Variants in WDR77 observed in about 807,000 individuals in gnomAD.
WDR77 encodes WD repeat domain 77, also known as methylosome protein WDR77.
A neutral mutation model predicts 44.0 loss-of-function variants in WDR77; 31 were observed. The observed-to-expected ratio is 0.70, with a 90% CI of 0.53 to 0.95. The LOEUF is 0.95. Among genes scored for constraint, WDR77 ranks in the 40% least tolerant of loss-of-function variants. The probability of loss-of-function intolerance (pLI) is 0.00; values close to 1 mark genes in which losing one functional copy is unlikely to be tolerated. For synonymous variants in WDR77, 186 were observed against 165.7 expected, an observed-to-expected ratio of 1.12 and a Z score of -0.94; for missense variants, 390 against 423.9, an observed-to-expected ratio of 0.92 and a Z score of 0.70.
At position 111,444,078 on chromosome 1, in the gene WDR77, G is replaced by GT; in HGVS notation, c.539dup (p.Asp180GlufsTer12). On this transcript the variant is annotated frameshift_variant, in exon 5 of 10. Transcript: ENST00000235090. LOFTEE classifies it high-confidence loss of function. ...CCTCGCTGCATGAAAGAAACACAGAGTCCTTGTGAGGAGAGGCAGCAACAC... is the reference window on the plus strand; with the variant it reads ...CCTCGCTGCATGAAAGAAACACAGAGTTCCTTGTGAGGAGAGGCAGCAACAC... The GT allele has an allele frequency of 6.2e-7, 1 of 1,614,106 alleles. No individual in the cohort carries two copies. The highest frequency in any genetic ancestry group is 8.5e-7 in the Non-Finnish European group (1 of 1,180,038).
chr1:111,443,220 G>T, intron 7 of WDR77, 103 bp downstream of exon 7: 2 of 1,166,110 alleles, frequency 1.7e-6, no homozygotes, highest in South Asian at 1.5e-5. Context: ...GTCCATGAGG[G>T]CTAAGACTGA....
chr1:111,448,873 C>T, intron 1 of WDR77, 69 bp from the exon 2 acceptor site: 1 of 1,547,958 alleles, frequency 6.5e-7, no homozygotes, highest in Non-Finnish European at 8.7e-7. Context: ...CCGCACAGAA[C>T]AGCGTTCCGG....
chr1:111,447,962 T>C (rs1483461629), intron 2 of WDR77, among the ~76,000 whole-genome samples: 1 of 152,240 alleles, frequency 6.6e-6, no homozygotes, highest in African/African-American at 2.4e-5. Flanking sequence ...ATTTGGACAC[T>C]AGTAAGTATT....
At chr1:111,447,304 C>T (rs1653083408) in intron 3 of WDR77, 131 bp downstream of exon 3, 2 of 1,495,448 alleles carry the variant, frequency 1.3e-6, no homozygotes, top group Admixed American at 1.9e-5. Flanking sequence ...CCTAAGGAAA[C>T]CTTATAGACA....
chr1:111,448,529 T>G (rs1254167478), intron 2 of WDR77, 90 bp downstream of exon 2: 3 of 1,500,552 alleles, frequency 2.0e-6, no homozygotes, highest in Non-Finnish European at 2.8e-6. Flanking sequence ...GTATAGGACG[T>G]TAGATATTGA....
chr1:111,446,949 G>A (rs1653059840), intron 4 of WDR77, 146 bp downstream of exon 4: 11 of 770,068 alleles, frequency 1.4e-5, no homozygotes, highest in Non-Finnish European at 2.4e-5. Context: ...TTGAGAAAAG[G>A]ACAAGGAGTA....
chr1:111,443,860 G>T lies in WDR77; in HGVS notation c.619+7C>A, dbSNP rs1243554318. On this transcript the variant is annotated splice_region_variant and intron_variant, in intron 6 of 9. Coordinates refer to ENST00000235090, the MANE Select transcript of WDR77 (RefSeq NM_024102.4). ...ACTATTCTCCCACCAATGAATCTCAGACTCACCAATCTGTGATGCTGGCTT... is the reference window on the plus strand; with the variant it reads ...ACTATTCTCCCACCAATGAATCTCATACTCACCAATCTGTGATGCTGGCTT... 1 of 1,614,086 alleles carries T rather than the reference G, an allele frequency of 6.2e-7. No individual in the cohort carries two copies. Among genetic ancestry groups the T allele is most frequent in the East Asian group, 2.2e-5 (1 of 44,890 alleles).
intron 9 of WDR77, 116 bp downstream of exon 9, chr1:111,441,909 A>T: frequency 9.6e-7 from 1 of 1,041,204 alleles, no homozygotes; most frequent in Non-Finnish European, 1.5e-6. Flanking sequence ...GTCCCTTCGG[A>T]TACAGATGGA....
At chr1:111,443,577 A>G (rs74798394) in intron 6 of WDR77, 183 bp from the exon 7 acceptor site, 13,357 of 904,974 alleles carry the variant, frequency 0.015, 115 homozygotes, top group Non-Finnish European at 0.016. Context: ...CCCTTTCTGG[A>G]CACGAGTCAC....
chr1:111,448,591 G>C, intron 2 of WDR77, 28 bp downstream of exon 2: 1 of 1,612,808 alleles, frequency 6.2e-7, no homozygotes, highest in Non-Finnish European at 8.5e-7. Flanking sequence ...ACCCGGGGGT[G>C]GGGGTGGATA....
intron 4 of WDR77, among the ~76,000 whole-genome samples, chr1:111,446,643 G>A (rs565314291): frequency 3.3e-5 from 5 of 152,320 alleles, no homozygotes; most frequent in Admixed American, 3.3e-4. Context: ...GTGAATACGG[G>A]CATAGAAATG....
chr1:111,441,170 A>C lies in WDR77; in HGVS notation c.*60T>G. 7.3e-7 allele frequency: 1 copy of C among 1,377,542 alleles called. No individual in the cohort carries two copies. Among genetic ancestry groups the C allele is most frequent in the East Asian group, 2.7e-5 (1 of 37,230 alleles). The allele number at this position is 1,377,542 out of a possible 1,614,324, so 85.3% of individuals were successfully genotyped here. A position where few individuals can be genotyped will look rare whatever the true frequency, so the allele number is the denominator to read the frequency against. On this transcript the variant is annotated 3_prime_UTR_variant, in exon 10 of 10. Transcript: ENST00000235090. The stretch of plus-strand genomic sequence containing the variant: ...GGCTCCTGTGTTGTCTCACAAGCTG[A>C]GAGGGCAGGGCAAAGAAGTGGACAC...
At chr1:111,442,170 G>A (rs748266450) in intron 8 of WDR77, 77 bp from the exon 9 acceptor site, 9 of 1,438,380 alleles carry the variant, frequency 6.3e-6, no homozygotes, top group East Asian at 2.3e-5. Context: ...CGGCCCTGCC[G>A]CCACTGTAAA....
At position 111,443,901 on chromosome 1, in the gene WDR77, C is replaced by T. The variant is rs748128922; in HGVS notation, c.585G>A (p.Trp195Ter). The T allele has an allele frequency of 6.2e-7, 1 of 1,614,054 alleles. No homozygotes were observed. The highest frequency in any genetic ancestry group is 8.5e-7 in the Non-Finnish European group (1 of 1,180,010). The change falls in exon 6 of 10, where the codon TGG becomes TGA. Residue 195 changes from tryptophan to a stop codon, truncating the protein, a stop_gained. Coordinates refer to ENST00000235090, the MANE Select transcript of WDR77 (RefSeq NM_024102.4). LOFTEE classifies it high-confidence loss of function. ...SCSEDNRILL[W>*]DTRCPKPASQ... ...ATGCTGGCTTGGGACAGCGGGTATC[C>T]CAGAGTAAAATTCTATTGTCCTAGA...
rs1446667443 is a variant in WDR77 at position 111,449,045 on chromosome 1, C to T, written c.115+10G>A. The T allele has an allele frequency of 3.2e-6, 5 of 1,575,458 alleles. No homozygotes were observed. The South Asian group carries it at 3.5e-5, about 11-fold the overall frequency. ...GTAAGGGAGCTCCCAGGCCCGGGATCTCGGCTCACCGGACCGGTACCGCGC... is the reference window on the plus strand; with the variant it reads ...GTAAGGGAGCTCCCAGGCCCGGGATTTCGGCTCACCGGACCGGTACCGCGC... On this transcript the variant is annotated intron_variant, in intron 1 of 9. Transcript: ENST00000235090.
rs1383450327 is a variant in WDR77, at chr1:111,447,660, A to G, written c.302-84T>C. 4 of 1,501,544 alleles carry G rather than the reference A, an allele frequency of 2.7e-6. No individual in the cohort carries two copies. The African/African-American group carries it at 4.1e-5, about 16-fold the overall frequency. 93.0% of individuals were successfully genotyped at this position (1,501,544 alleles called of 1,614,324 possible). ...TTCTAGGATTCAAAGAGCCATTGTC[A>G]CTAAATTAACAAAGTAAGTTAGTTA... On this transcript the variant is annotated intron_variant, in intron 2 of 9. Transcript: ENST00000235090.
intron 4 of WDR77, among the ~76,000 whole-genome samples, chr1:111,446,136 G>T (rs1176198301): frequency 6.6e-6 from 1 of 152,206 alleles, no homozygotes; most frequent in Non-Finnish European, 1.5e-5. Context: ...ACTGGACCTT[G>T]GATATGAGTC....
intron 1 of WDR77, 64 bp downstream of exon 1, chr1:111,448,991 G>C (rs1653184797): frequency 6.5e-7 from 1 of 1,541,698 alleles, no homozygotes; most frequent in South Asian, 1.2e-5. Context: ...GGGAGGGTCA[G>C]TCTCCGGGGA....
At chr1:111,442,801 T>G in intron 7 of WDR77, 40 bp from the exon 8 acceptor site, 1 of 1,388,428 alleles carries the variant, frequency 7.2e-7, no homozygotes. Context: ...ATTAAGAGCA[T>G]GGACTTTTGT....
Sources: gnomAD v4.1 joint callset for allele counts (sites outside exome capture counted in the v4.1 genomes callset) on GRCh38, gnomAD v4.1.1 for gene constraint, MANE v1.5 for transcripts, NCBI Gene and HGNC (gene_info 2026-07-23, HGNC 2026-07-21) for gene names.